CFAP91: variants seen among roughly 807,000 people sequenced by gnomAD.
The protein encoded by CFAP91 is cilia and flagella associated protein 91, also known as cilia- and flagella-associated protein 91.
A neutral mutation model predicts 95.9 loss-of-function variants in CFAP91; 85 were observed. The observed-to-expected ratio is 0.89, with a 90% confidence interval of 0.74 to 1.06. The LOEUF is 1.06. Ranked by LOEUF, CFAP91 falls within the 50% of genes least tolerant of loss-of-function variation. CFAP91 has a pLI of 0.00. For synonymous variants in CFAP91, 335 were observed against 327.5 expected, an observed-to-expected ratio of 1.02 and a Z score of -0.25; for missense variants, 962 against 943.4, an observed-to-expected ratio of 1.02 and a Z score of -0.26.
chr3:119,712,536 T>A (rs1377925496), intron 5 of CFAP91, among the ~76,000 whole-genome samples: 1 of 152,228 alleles, frequency 6.6e-6, no homozygotes, highest in Non-Finnish European at 1.5e-5. Flanking sequence ...TGAAGTTATT[T>A]ATTCAACTAG....
At chr3:119,740,835 T>TAG (rs766686509) in intron 13 of CFAP91, 140 bp downstream of exon 13, 39 of 515,130 alleles carry the variant, frequency 7.6e-5, no homozygotes, top group Non-Finnish European at 1.3e-4. Flanking sequence ...CTGTCAGCAT[T>TAG]TGTGTGTGTG....
chr3:119,759,300 A>G (rs2054491125), intron 17 of CFAP91, among the ~76,000 whole-genome samples: 1 of 152,044 alleles, frequency 6.6e-6, no homozygotes, highest in African/African-American at 2.4e-5. Flanking sequence ...TTAAGGTGTA[A>G]CAAAATGCAA....
At chr3:119,734,342 G>C (rs935003061) in intron 10 of CFAP91, among the ~76,000 whole-genome samples, 1 of 151,868 alleles carries the variant, frequency 6.6e-6, no homozygotes, top group Non-Finnish European at 1.5e-5. Context: ...TATGTATATC[G>C]AGGTGGTTCT....
intron 17 of CFAP91, among the ~76,000 whole-genome samples, chr3:119,751,605 A>T (rs1018077882): frequency 6.6e-6 from 1 of 152,222 alleles, no homozygotes; most frequent in East Asian, 1.9e-4. Context: ...GCATGAATGT[A>T]CTTAGAAAAA....
intron 1 of CFAP91, 55 bp downstream of exon 1, chr3:119,703,277 C>G (rs2053292893): frequency 6.3e-7 from 1 of 1,595,818 alleles, no homozygotes; most frequent in East Asian, 2.3e-5. Flanking sequence ...GCCAGGTGGG[C>G]TCCCAGATGG....
chr3:119,732,567 G>T, intron 9 of CFAP91, 91 bp downstream of exon 9: 1 of 932,274 alleles, frequency 1.1e-6, no homozygotes, highest in Non-Finnish European at 1.6e-6. Flanking sequence ...TAGATTAAAA[G>T]CTAAGCAATA....
intron 17 of CFAP91, among the ~76,000 whole-genome samples, chr3:119,759,186 A>G (rs972145624): frequency 6.6e-6 from 1 of 152,042 alleles, no homozygotes; most frequent in African/African-American, 2.4e-5. Context: ...GATAAGTACC[A>G]TAATAAGCCA....
chr3:119,739,196 A>AT lies in CFAP91; in HGVS notation c.1462-56dup. On this transcript the variant is annotated intron_variant, in intron 11 of 17. Coordinates refer to ENST00000273390, the MANE Select transcript of CFAP91 (RefSeq NM_033364.4). ...GCTTGAAATAAGTCTTCAAAAGAAT[A>AT]TTTGATGCTTGGACTACTGCAGTTC... 2.9e-6 allele frequency: 4 copies of AT among 1,399,014 alleles called. No individual in the cohort carries two copies. The South Asian group carries it at 4.6e-5, about 16-fold the overall frequency. 86.7% of individuals were successfully genotyped at this position (1,399,014 alleles called of 1,614,324 possible).
At chr3:119,739,173 T>C (rs912628823) in intron 11 of CFAP91, 82 bp from the exon 12 acceptor site, 41 of 1,209,578 alleles carry the variant, frequency 3.4e-5, no homozygotes, top group Non-Finnish European at 4.8e-5. Context: ...TCTGTTTTGC[T>C]TGAAATAAGT....
rs1020951777 is a variant in CFAP91 at position 119,743,830 on chromosome 3, A to T, written c.1681-145A>T. The T allele has an allele frequency of 7.0e-6, 5 of 715,050 alleles. No individual in the cohort carries two copies. In the African/African-American group the frequency reaches 8.9e-5, roughly 13 times the overall value. 44.3% of individuals were successfully genotyped at this position (715,050 alleles called of 1,614,324 possible). A position where few individuals can be genotyped will look rare whatever the true frequency, so the allele number is the denominator to read the frequency against. Reference sequence around the variant, plus strand: ...CTCATAAGAACTTGGGTTGGAGCCAATTGAGAGGTAATATTCCCAGTAAAA... The same window carrying T: ...CTCATAAGAACTTGGGTTGGAGCCATTTGAGAGGTAATATTCCCAGTAAAA... On this transcript the variant is annotated intron_variant, in intron 13 of 17. Transcript: ENST00000273390.
At chr3:119,716,414 A>G (rs1374145140) in intron 6 of CFAP91, among the ~76,000 whole-genome samples, 1 of 152,242 alleles carries the variant, frequency 6.6e-6, no homozygotes, top group East Asian at 1.9e-4. Flanking sequence ...CTCCAAGGAC[A>G]TAGAGATAGT....
At chr3:119,752,573 T>G (rs2054345163) in intron 17 of CFAP91, among the ~76,000 whole-genome samples, 1 of 152,244 alleles carries the variant, frequency 6.6e-6, no homozygotes, top group Non-Finnish European at 1.5e-5. Context: ...TTTGGCTACC[T>G]TATTATTGTG....
intron 16 of CFAP91, chr3:119,750,697 G>A: frequency 2.0e-6 from 1 of 511,544 alleles, no homozygotes; most frequent in South Asian, 2.1e-5. Flanking sequence ...CCAGGTTTTA[G>A]AGTGCAGGCA....
chr3:119,709,833 TC>T lies in CFAP91; in HGVS notation c.444-3del, dbSNP rs779064329. 2.6e-5 allele frequency: 42 copies of T among 1,609,030 alleles called. 1 individual carries two copies. The South Asian group carries it at 4.1e-4, about 16-fold the overall frequency. On this transcript the variant is annotated splice_region_variant and splice_polypyrimidine_tract_variant and intron_variant, in intron 4 of 17. Coordinates refer to ENST00000273390, the MANE Select transcript of CFAP91 (RefSeq NM_033364.4). ...CCACACATTTATGTTTTCTTTTTCC[TC>T]CCAGGCCTTTTCTCCCATTTTTTCA... is the stretch of plus-strand genomic sequence containing the variant.
At chr3:119,764,829 A>AT (rs1029208013) in intron 17 of CFAP91, among the ~76,000 whole-genome samples, 3 of 151,988 alleles carry the variant, frequency 2.0e-5, no homozygotes, top group African/African-American at 7.2e-5. Flanking sequence ...TAATGTACAG[A>AT]TTTTTTTAAG....
rs182112032 is a variant in CFAP91 at position 119,726,919 on chromosome 3, C to A, written c.860+571C>A. Among the ~76,000 whole-genome samples, 48 of 150,964 alleles carry A rather than the reference C, an allele frequency of 3.2e-4. No individual in the cohort carries two copies. The East Asian group carries it at 6.7e-3, about 21-fold the overall frequency. ...TAGTTAAAAGACAAATTATGGAATTCTTCCATTAAGAGATGAGTATATAAC... is the reference window on the plus strand; with the variant it reads ...TAGTTAAAAGACAAATTATGGAATTATTCCATTAAGAGATGAGTATATAAC... On this transcript the variant is annotated intron_variant, in intron 7 of 17. Coordinates refer to ENST00000273390, the MANE Select transcript of CFAP91 (RefSeq NM_033364.4).
At position 119,766,838 on chromosome 3, in the gene CFAP91, C is replaced by CTT. The variant is rs2054639618; in HGVS notation, c.*1789_*1790dup. The CTT allele has an allele frequency of 6.6e-6, 1 of 152,144 alleles. No homozygotes were observed. Among genetic ancestry groups the CTT allele is most frequent in the African/African-American group, 2.4e-5 (1 of 41,418 alleles). 9.4% of individuals were successfully genotyped at this position (152,144 alleles called of 1,614,324 possible). A position where few individuals can be genotyped will look rare whatever the true frequency, so the allele number is the denominator to read the frequency against. ...CTAATAAAGGACATGTGTAATGAAACTTAAAATATGATATTTTCTTTAAAA... is the reference window on the plus strand; with the variant it reads ...CTAATAAAGGACATGTGTAATGAAACTTTTAAAATATGATATTTTCTTTAAAA... On this transcript the variant is annotated 3_prime_UTR_variant, in exon 18 of 18. Transcript: ENST00000273390.
At chr3:119,721,053 C>T (rs1370721506) in intron 6 of CFAP91, among the ~76,000 whole-genome samples, 1 of 152,154 alleles carries the variant, frequency 6.6e-6, no homozygotes, top group Admixed American at 6.5e-5. Flanking sequence ...AGTAAGGAAA[C>T]TTACAGGCCA....
chr3:119,761,148 G>A (rs1397369018), intron 17 of CFAP91, among the ~76,000 whole-genome samples: 1 of 151,268 alleles, frequency 6.6e-6, no homozygotes, highest in Non-Finnish European at 1.5e-5. Flanking sequence ...GGCCAAAGAG[G>A]GAAGACTTAA....
Sources: gnomAD v4.1 joint callset for allele counts (sites outside exome capture counted in the v4.1 genomes callset) on GRCh38, gnomAD v4.1.1 for gene constraint, MANE v1.5 for transcripts, NCBI Gene and HGNC (gene_info 2026-07-23, HGNC 2026-07-21) for gene names.